DEPDC1B: variants seen among roughly 807,000 people sequenced by gnomAD.
DEPDC1B encodes the protein DEP domain containing 1B.
Under a neutral mutation model 66.5 loss-of-function variants are expected in DEPDC1B, and 51 were observed. That is an observed-to-expected ratio of 0.77 (90% CI 0.61 to 0.97). The LOEUF is 0.97. Ranked by LOEUF, DEPDC1B falls within the 50% of genes least tolerant of loss-of-function variation. The pLI is 0.00. For missense variants in DEPDC1B, 552 were observed against 637.1 expected (o/e 0.87, Z 1.44); for synonymous variants, 226 against 223.6 (o/e 1.01, Z -0.10).
chr5:60,621,668 G>T (rs909119317), intron 7 of DEPDC1B, among the ~76,000 whole-genome samples: 1 of 151,862 alleles, frequency 6.6e-6, no homozygotes, highest in Non-Finnish European at 1.5e-5. Flanking sequence ...ATGTACCCTA[G>T]AACTTAAAGT....
chr5:60,599,666 G>GA (rs1240561114), intron 9 of DEPDC1B, among the ~76,000 whole-genome samples: 2 of 152,222 alleles, frequency 1.3e-5, no homozygotes, highest in Non-Finnish European at 2.9e-5. Context: ...ACCCAGGGCG[G>GA]AAAACCGCTT....
At chr5:60,608,157 C>T (rs2111727234) in intron 7 of DEPDC1B, among the ~76,000 whole-genome samples, 1 of 152,270 alleles carries the variant, frequency 6.6e-6, no homozygotes, top group African/African-American at 2.4e-5. Context: ...AGCGGTTGAA[C>T]TGGTAATAAC....
chr5:60,683,525 A>G (rs1480414167), intron 2 of DEPDC1B, among the ~76,000 whole-genome samples: 1 of 152,180 alleles, frequency 6.6e-6, no homozygotes, highest in East Asian at 1.9e-4. Context: ...CCATATGACC[A>G]CTCAATAGAT....
At chr5:60,646,271 G>A (rs1398841432) in intron 3 of DEPDC1B, among the ~76,000 whole-genome samples, 1 of 152,140 alleles carries the variant, frequency 6.6e-6, no homozygotes, top group Non-Finnish European at 1.5e-5. Flanking sequence ...AATGAGCTTC[G>A]GTTTTCTAAG....
At chr5:60,628,581 T>C (rs1322680018) in intron 7 of DEPDC1B, 1 of 152,164 alleles carries the variant, frequency 6.6e-6, no homozygotes, top group East Asian at 1.9e-4. Flanking sequence ...AGACTACACA[T>C]CAATTAGTAA....
chr5:60,650,122 G>A (rs2111898767), intron 2 of DEPDC1B, among the ~76,000 whole-genome samples: 1 of 152,222 alleles, frequency 6.6e-6, no homozygotes, highest in East Asian at 1.9e-4. Context: ...AAGCTGAGAT[G>A]AGAGGATCAC....
intron 2 of DEPDC1B, among the ~76,000 whole-genome samples, chr5:60,671,917 GT>G (rs1158374019): frequency 1.3e-5 from 2 of 152,172 alleles, no homozygotes; most frequent in African/African-American, 4.8e-5. Flanking sequence ...GAAACTTAGA[GT>G]CTAACAACTA....
In DEPDC1B at chr5:60,661,465, C is replaced by T. The variant is rs900069196; in HGVS notation, c.315-13932G>A. ...CTATGTACTTTTTTCAGACGGGAAA[C>T]GTTCCCCTCAAGGCAAAAATGCCCT... is the stretch of plus-strand genomic sequence containing the variant. On this transcript the variant is annotated intron_variant, in intron 2 of 10. Coordinates refer to ENST00000265036, the MANE Select transcript of DEPDC1B (RefSeq NM_018369.3). Among the ~76,000 whole-genome samples the T allele has an allele frequency of 4.6e-5, 7 of 152,142 alleles. No individual in the cohort carries two copies. In the South Asian group the frequency reaches 1.0e-3, roughly 22 times the overall value.
At chr5:60,677,830 T>G (rs564071502) in intron 2 of DEPDC1B, among the ~76,000 whole-genome samples, 1 of 152,132 alleles carries the variant, frequency 6.6e-6, no homozygotes, top group African/African-American at 2.4e-5. Context: ...CCCATGACGA[T>G]GAAATGAGTA....
At chr5:60,617,815 C>T (rs1028008061) in intron 7 of DEPDC1B, among the ~76,000 whole-genome samples, 3 of 152,200 alleles carry the variant, frequency 2.0e-5, no homozygotes, top group Admixed American at 1.3e-4. Flanking sequence ...AACTCTCCAC[C>T]CCAAAGCAAC....
chr5:60,617,351 T>C (rs1752582840), intron 7 of DEPDC1B, among the ~76,000 whole-genome samples: 1 of 152,160 alleles, frequency 6.6e-6, no homozygotes, highest in South Asian at 2.1e-4. Context: ...GCAAATTGGA[T>C]AAAGAGTCAA....
chr5:60,638,938 C>A, intron 6 of DEPDC1B, 48 bp from the exon 7 acceptor site: 1 of 1,588,850 alleles, frequency 6.3e-7, no homozygotes, highest in South Asian at 1.2e-5. Context: ...GAGTAATTAC[C>A]TCTAAGTATT....
intron 2 of DEPDC1B, among the ~76,000 whole-genome samples, chr5:60,667,166 G>A (rs1363706172): frequency 1.3e-5 from 2 of 152,042 alleles, no homozygotes; most frequent in Non-Finnish European, 2.9e-5. Context: ...ATATCTCTCT[G>A]ACTTTGAGTA....
At chr5:60,628,654 A>AG in intron 7 of DEPDC1B, 1 of 152,352 alleles carries the variant, frequency 6.6e-6, no homozygotes, top group South Asian at 2.1e-4. Flanking sequence ...TTCAAAGAAA[A>AG]GGAAACAGGC....
At chr5:60,688,268 G>T (rs1425959262) in intron 1 of DEPDC1B, among the ~76,000 whole-genome samples, 1 of 151,946 alleles carries the variant, frequency 6.6e-6, no homozygotes, top group Admixed American at 6.6e-5. Context: ...ATATATATTA[G>T]TTTAAAACTA....
chr5:60,690,405 T>C (rs746968295), intron 1 of DEPDC1B, among the ~76,000 whole-genome samples: 5 of 152,318 alleles, frequency 3.3e-5, no homozygotes, highest in Middle Eastern at 6.8e-3. Context: ...GGTATATGCA[T>C]ATGAAAAGCT....
At chr5:60,691,243 G>A (rs530889472) in intron 1 of DEPDC1B, among the ~76,000 whole-genome samples, 1 of 151,622 alleles carries the variant, frequency 6.6e-6, no homozygotes, top group East Asian at 1.9e-4. Context: ...TAGTAGAGAT[G>A]AGGTTTCACC....
At chr5:60,612,689 A>C (rs954368631) in intron 7 of DEPDC1B, among the ~76,000 whole-genome samples, 39 of 147,546 alleles carry the variant, frequency 2.6e-4, no homozygotes, top group Middle Eastern at 3.4e-3. Flanking sequence ...TTAGCAATTT[A>C]CTTTCAAATG....
intron 1 of DEPDC1B, 28 bp downstream of exon 1, chr5:60,700,001 TCGCGGCACCGGGTGCTC>T (rs1181910737): frequency 6.5e-7 from 1 of 1,545,356 alleles, no homozygotes; most frequent in Admixed American, 2.0e-5. Flanking sequence ...GAGTGGGGGC[TCGCGGCACCGGGTGCTC>T]CGCCCAGGCC....
Sources: allele counts gnomAD v4.1 joint callset (sites outside exome capture counted in the v4.1 genomes callset), GRCh38; gene constraint gnomAD v4.1.1; transcripts MANE v1.5; gene names NCBI Gene and HGNC (gene_info 2026-07-23, HGNC 2026-07-21).